MUC5B: variants seen among roughly 807,000 people sequenced by gnomAD.
MUC5B encodes the protein mucin 5B, oligomeric mucus/gel-forming.
Under a neutral mutation model 376.9 loss-of-function variants are expected in MUC5B, and 116 were observed. The observed-to-expected ratio is 0.31, with a 90% CI of 0.26 to 0.36. The LOEUF (loss-of-function observed/expected upper bound fraction) is 0.36. MUC5B is among the 10% of genes least tolerant of loss of function. MUC5B has a pLI of 1.00. For synonymous variants in MUC5B, 3,517 were observed against 3,390.9 expected, an observed-to-expected ratio of 1.04 and a Z score of -1.29; for missense variants, 7,165 against 7,769.9, an observed-to-expected ratio of 0.92 and a Z score of 2.93.
At chr11:1,239,664 TAA>T in intron 27 of MUC5B, 98 bp downstream of exon 27, 2 of 1,497,584 alleles carry the variant, frequency 1.3e-6, no homozygotes, top group Non-Finnish European at 1.8e-6. Context: ...TAGGCTCCCG[TAA>T]ACTGCACAAT....
rs1316163868 is a variant in MUC5B, at chr11:1,261,502, C to G, written c.17183C>G (p.Thr5728Ser). ...HCPNGSAILHTYTHVDECGCT... is the reference protein window; with the variant it reads ...HCPNGSAILHSYTHVDECGCT... ...CCTAACGGCTCAGCCATCCTGCACACCTACACCCACGTGGATGAGTGTGGC... is the reference window on the plus strand; with the variant it reads ...CCTAACGGCTCAGCCATCCTGCACAGCTACACCCACGTGGATGAGTGTGGC... The change falls in exon 49 of 49, where the codon ACC becomes AGC. Residue 5728 changes from threonine (T) to serine (S), a missense_variant. Around this residue, in one of 31 missense-constraint regions of MUC5B, gnomAD observed 842 missense variants for 1,016.9 expected, o/e 0.83. Transcript: ENST00000529681. 1 of 1,601,136 alleles carries G rather than the reference C, an allele frequency of 6.2e-7. No individual in the cohort carries two copies. Among genetic ancestry groups the G allele is most frequent in the Non-Finnish European group, 8.5e-7 (1 of 1,175,098 alleles).
In MUC5B at chr11:1,227,395, C is replaced by T. The variant is rs1433395208; in HGVS notation, c.664C>T (p.His222Tyr). 3 of 1,608,230 alleles carry T rather than the reference C, an allele frequency of 1.9e-6. No homozygotes were observed. The highest frequency in any genetic ancestry group is 1.1e-5 in the South Asian group (1 of 90,648). ...GLPAFNEFYA[H>Y]NARLTPLQFG... The stretch of plus-strand genomic sequence containing the variant: ...CCCGGCCTTCAACGAGTTCTATGCC[C>T]ACAGTGAGTGCCACCTGGGTGAGGG... Residue 222 changes from histidine to tyrosine, a missense_variant, in exon 6 of 49, where the codon CAC becomes TAC. By Grantham distance (83) the His-to-Tyr change is moderately conservative (BLOSUM62 2). This residue lies in a region of MUC5B where 640 missense variants were observed against 733.0 expected (regional missense o/e 0.87). Transcript: ENST00000529681.
chr11:1,258,078 G>A lies in MUC5B; in HGVS notation c.16451-21G>A, dbSNP rs1416048082. 2.6e-6 allele frequency: 4 copies of A among 1,556,944 alleles called. No homozygotes were observed. The highest frequency in any genetic ancestry group is 3.5e-6 in the Non-Finnish European group (4 of 1,150,268). On this transcript the variant is annotated intron_variant, in intron 41 of 48. Transcript: ENST00000529681. The surrounding 1 kb of genome is among the most constrained non-coding windows in gnomAD (Gnocchi z 5.5). ...AGGAGGAGTGAGCAGCGCCCAGACA[G>A]TGGCCTCCATCCTCCCGCAGTGTGC...
chr11:1,246,341 C>T lies in MUC5B; in HGVS notation c.9461C>T (p.Pro3154Leu), dbSNP rs199506758. 898 of 1,602,762 alleles carry T rather than the reference C, an allele frequency of 5.6e-4. 3 individuals carry two copies. Among genetic ancestry groups the T allele is most frequent in the African/African-American group, 2.9e-3 (215 of 74,714 alleles). Residue 3154 changes from proline to leucine, a missense_variant, in exon 31 of 49, where the codon CCG becomes CTG. Physicochemically the swap from Pro to Leu is moderately conservative, Grantham distance 98 (BLOSUM62 -3). Coordinates refer to ENST00000529681, the MANE Select transcript of MUC5B (RefSeq NM_002458.3). Reference protein sequence around the residue: ...TTAATGPTATPSSTPGTTWIL... With the variant: ...TTAATGPTATLSSTPGTTWIL... ...GCAGCCACTGGCCCCACGGCCACCC[C>T]GTCCTCCACCCCAGGGACCACCTGG... is the stretch of plus-strand genomic sequence containing the variant.
In MUC5B at chr11:1,257,463, G is replaced by C; in HGVS notation, c.16270-67G>C. The C allele has an allele frequency of 6.4e-7, 1 of 1,567,390 alleles. No homozygotes were observed. Among genetic ancestry groups the C allele is most frequent in the Non-Finnish European group, 8.7e-7 (1 of 1,151,650 alleles). On this transcript the variant is annotated intron_variant, in intron 40 of 48. Coordinates refer to ENST00000529681, the MANE Select transcript of MUC5B (RefSeq NM_002458.3). The surrounding 1 kb of genome is among the most constrained non-coding windows in gnomAD (Gnocchi z 8.9). ...TACCAGCCCGAGGGAGGGGGTGGCT[G>C]GACAGATGCCCAGGGTTGACCTGTG...
rs373165683 is a variant in MUC5B at position 1,226,718 on chromosome 11, C to T, written c.303C>T (p.Tyr101=). The T allele has an allele frequency of 1.9e-5, 31 of 1,612,690 alleles. No individual in the cohort carries two copies. The highest frequency in any genetic ancestry group is 1.6e-4 in the Middle Eastern group (1 of 6,084). ...TCCGCTTCCCTGGCCTTTGCAACTA[C>T]GTGTTCTCTGAGCACTGCCGCGCCG... The part of the protein sequence containing the change: ...DVFRFPGLCN[Y]VFSEHCRAAY... Residue 101 remains tyrosine, a synonymous_variant, in exon 4 of 49, where the codon TAC becomes TAT. Transcript: ENST00000529681.
At chr11:1,232,194 G>A in intron 15 of MUC5B, 34 bp downstream of exon 15, 1 of 1,553,300 alleles carries the variant, frequency 6.4e-7, no homozygotes, top group Non-Finnish European at 8.7e-7. Flanking sequence ...AGTCACCCCA[G>A]GCTCAAGTCC....
Position 1,254,220 on chromosome 11 carries a change from C to T in MUC5B, c.15346C>T (p.Leu5116=). The T allele has an allele frequency of 6.2e-7, 1 of 1,612,764 alleles. No individual in the cohort carries two copies. Among genetic ancestry groups the T allele is most frequent in the Non-Finnish European group, 8.5e-7 (1 of 1,179,876 alleles). Residue 5116 remains leucine, a synonymous_variant, in exon 34 of 49, where the codon CTG becomes TTG. Transcript: ENST00000529681. The stretch of plus-strand genomic sequence containing the variant: ...ACGCTTTGGGAATCTCAGCCTCTAC[C>T]TGGACAACCACTACTGCACGGCCTC... ...HARFGNLSLY[L]DNHYCTASAT... is the part of the protein sequence containing the mutation.
Position 1,242,419 on chromosome 11 carries a change from C to T in MUC5B, c.5539C>T (p.Leu1847=). The part of the protein sequence containing the change: ...EVSIDQVGQV[L]TCSLETGLTC... ...AAGCATCGACCAGGTCGGGCAGGTG[C>T]TGACCTGCAGCCTGGAGACGGGGCT... Residue 1847 remains leucine, a synonymous_variant, in exon 31 of 49, where the codon CTG becomes TTG. Transcript: ENST00000529681. 1 of 1,613,872 alleles carries T rather than the reference C, an allele frequency of 6.2e-7. No individual in the cohort carries two copies. Among genetic ancestry groups the T allele is most frequent in the Non-Finnish European group, 8.5e-7 (1 of 1,179,846 alleles).
rs200430172 is a variant in MUC5B at position 1,239,838 on chromosome 11, A to G, written c.3623A>G (p.Asn1208Ser). ...PKCPPSQPFF[N>S]EDQMKCVAQC... ...TGCCCACCCAGCCAGCCCTTCTTCA[A>G]TGAGGACCAGATGAAGTGCGTGGCC... is the stretch of plus-strand genomic sequence containing the variant. The change falls in exon 28 of 49, where the codon AAT becomes AGT. Residue 1208 changes from asparagine to serine, a missense_variant. Coordinates refer to ENST00000529681, the MANE Select transcript of MUC5B (RefSeq NM_002458.3). 1.7e-5 allele frequency: 27 copies of G among 1,612,904 alleles called. No homozygotes were observed. The highest frequency in any genetic ancestry group is 2.2e-5 in the East Asian group (1 of 44,856).
chr11:1,234,179 C>T lies in MUC5B; in HGVS notation c.2378-26C>T. 1 of 1,563,870 alleles carries T rather than the reference C, an allele frequency of 6.4e-7. No homozygotes were observed. On this transcript the variant is annotated intron_variant, in intron 19 of 48. Coordinates refer to ENST00000529681, the MANE Select transcript of MUC5B (RefSeq NM_002458.3). This position sits in a 1 kb window ranked among gnomAD's most constrained non-coding sequence, Gnocchi z 6.3. ...GGGCCGTGGCTGCCCTTCCCCAGGA[C>T]CCCTCCCACCAAGCTCTGTCCCCAG...
At chr11:1,236,792 G>C (rs2133818368) in intron 24 of MUC5B, 133 bp from the exon 25 acceptor site, 1 of 1,220,608 alleles carries the variant, frequency 8.2e-7, no homozygotes, top group Non-Finnish European at 1.1e-6. Context: ...AAGTTCACCA[G>C]GCACTGCCTG....
In MUC5B at chr11:1,244,593, A is replaced by G. The variant is rs2133829318; in HGVS notation, c.7713A>G (p.Pro2571=). ...CCACAGCCACACCCTCCTCCACTCC[A>G]GAGACTGTCCACACCTCCACAGTGC... ...TMSTATPSST[P]ETVHTSTVLT... The change falls in exon 31 of 49, where the codon CCA becomes CCG. Residue 2571 remains proline, a synonymous_variant. Transcript: ENST00000529681. 6.2e-7 allele frequency: 1 copy of G among 1,612,900 alleles called. No individual in the cohort carries two copies. The highest frequency in any genetic ancestry group is 1.1e-5 in the South Asian group (1 of 91,026).
In MUC5B at chr11:1,234,205, G is replaced by T; in HGVS notation, c.2378G>T (p.Gly793Val). ...CLGASLQKST[G>V]CAAPMVYLDC... Reference sequence around the variant, plus strand: ...CCCTCCCACCAAGCTCTGTCCCCAGGGTGTGCAGCCCCCATGGTGTACCTG... The same window carrying T: ...CCCTCCCACCAAGCTCTGTCCCCAGTGTGTGCAGCCCCCATGGTGTACCTG... The change falls in exon 20 of 49, where the codon GGG becomes GTG. Residue 793 changes from glycine (G) to valine (V), a missense_variant and splice_region_variant. Around this residue, in one of 31 missense-constraint regions of MUC5B, gnomAD observed 530 missense variants for 604.0 expected, o/e 0.88. Coordinates refer to ENST00000529681, the MANE Select transcript of MUC5B (RefSeq NM_002458.3). The surrounding 1 kb of genome is among the most constrained non-coding windows in gnomAD (Gnocchi z 6.3). 6.3e-7 allele frequency: 1 copy of T among 1,599,272 alleles called. No individual in the cohort carries two copies. Among genetic ancestry groups the T allele is most frequent in the Non-Finnish European group, 8.5e-7 (1 of 1,174,966 alleles).
At chr11:1,239,382 A>G (rs569584138) in intron 26 of MUC5B, 56 bp from the exon 27 acceptor site, 4 of 1,558,022 alleles carry the variant, frequency 2.6e-6, no homozygotes, top group Admixed American at 1.9e-5. Flanking sequence ...GCTGCCCTGC[A>G]CAACAGGGGT....
In MUC5B at chr11:1,250,961, C is replaced by G. The variant is rs749669057; in HGVS notation, c.14081C>G (p.Thr4694Ser). ...ATTITATGST[T>S]NPSSTPGTTP... Reference sequence around the variant, plus strand: ...ACGATCACGGCCACCGGCTCCACCACCAACCCCTCCTCAACTCCAGGGACA... The same window carrying G: ...ACGATCACGGCCACCGGCTCCACCAGCAACCCCTCCTCAACTCCAGGGACA... Residue 4694 changes from threonine (T) to serine (S), a missense_variant, in exon 31 of 49, where the codon ACC becomes AGC. This residue lies in a region of MUC5B where 730 missense variants were observed against 592.7 expected (regional missense o/e 1.23). Coordinates refer to ENST00000529681, the MANE Select transcript of MUC5B (RefSeq NM_002458.3). The G allele has an allele frequency of 1.2e-6, 2 of 1,610,794 alleles. No homozygotes were observed. The highest frequency in any genetic ancestry group is 1.7e-6 in the Non-Finnish European group (2 of 1,178,184).
At chr11:1,260,991 C>T (rs1046873636) in intron 48 of MUC5B, among the ~76,000 whole-genome samples, 3 of 152,244 alleles carry the variant, frequency 2.0e-5, no homozygotes, top group Non-Finnish European at 4.4e-5. Flanking sequence ...CAGGTGTCCC[C>T]CTGGGGAGGG....
intron 2 of MUC5B, among the ~76,000 whole-genome samples, chr11:1,225,954 G>A (rs917259892): frequency 1.3e-5 from 2 of 152,248 alleles, no homozygotes; most frequent in East Asian, 1.9e-4. Flanking sequence ...AGAAGCACAC[G>A]CGTGGACAGG....
In MUC5B at chr11:1,258,093, C is replaced by T. The variant is rs534992105; in HGVS notation, c.16451-6C>T. The T allele has an allele frequency of 6.4e-7, 1 of 1,573,350 alleles. No individual in the cohort carries two copies. The highest frequency in any genetic ancestry group is 2.3e-5 in the East Asian group (1 of 42,906). ...CGCCCAGACAGTGGCCTCCATCCTC[C>T]CGCAGTGTGCAACACAACCACCTGC... On this transcript the variant is annotated splice_polypyrimidine_tract_variant and splice_region_variant and intron_variant, in intron 41 of 48. Transcript: ENST00000529681. This position sits in a 1 kb window ranked among gnomAD's most constrained non-coding sequence, Gnocchi z 5.5.
Sources: gnomAD v4.1 joint callset for allele counts (sites outside exome capture counted in the v4.1 genomes callset) on GRCh38, gnomAD v4.1.1 for gene constraint, gnomAD v4.1.1 regional missense constraint, Gnocchi (gnomAD v3.1) non-coding constraint, MANE v1.5 for transcripts, NCBI Gene and HGNC (gene_info 2026-07-23, HGNC 2026-07-21) for gene names.